ALPK1: variants seen among roughly 807,000 people sequenced by gnomAD.
ALPK1 encodes alpha kinase 1.
ALPK1 carries 110 observed loss-of-function variants against 120.6 expected under a neutral mutation model. The ratio of observed to expected loss-of-function variants is 0.91; its 90% CI spans 0.78 to 1.07. ALPK1 has a LOEUF of 1.07. Ranked by LOEUF, ALPK1 falls within the 50% of genes least tolerant of loss-of-function variation. The pLI is 0.00. For synonymous variants in ALPK1, 582 were observed against 560.3 expected (o/e 1.04, Z -0.55); for missense variants, 1,498 against 1,483.9 (o/e 1.01, Z -0.16).
intron 12 of ALPK1, among the ~76,000 whole-genome samples, chr4:112,437,851 T>G (rs1295508802): frequency 6.6e-6 from 1 of 152,182 alleles, no homozygotes; most frequent in Non-Finnish European, 1.5e-5. Context: ...TACTCACAAA[T>G]TCACACCAGT....
intron 4 of ALPK1, among the ~76,000 whole-genome samples, chr4:112,410,646 T>G (rs1164003113): frequency 6.6e-6 from 1 of 152,190 alleles, no homozygotes; most frequent in Non-Finnish European, 1.5e-5. Flanking sequence ...AAGATAATAG[T>G]ATTTGGGTGA....
At chr4:112,320,175 T>C (rs527276086) in intron 2 of ALPK1, among the ~76,000 whole-genome samples, 1 of 152,376 alleles carries the variant, frequency 6.6e-6, no homozygotes, top group South Asian at 2.1e-4. Context: ...ATGTTGACTA[T>C]AGGTTTGTCA....
rs201681617 is a variant in ALPK1, at chr4:112,423,936, C to A, written c.476-8C>A. ...CTAATTGTGTGGCATTTGGTTGCTG[C>A]TTTTCAGGAAAACTTTTAAAAGCAG... On this transcript the variant is annotated splice_region_variant and splice_polypyrimidine_tract_variant and intron_variant, in intron 5 of 15. Transcript: ENST00000650871. 97 of 1,613,758 alleles carry A rather than the reference C, an allele frequency of 6.0e-5. No individual in the cohort carries two copies. The highest frequency in any genetic ancestry group is 1.6e-4 in the Middle Eastern group (1 of 6,084).
intron 12 of ALPK1, among the ~76,000 whole-genome samples, chr4:112,436,155 G>A (rs1330492492): frequency 6.6e-6 from 1 of 152,178 alleles, no homozygotes; most frequent in Non-Finnish European, 1.5e-5. Context: ...GAAATCAAGT[G>A]TCTCTGTAAG....
intron 12 of ALPK1, among the ~76,000 whole-genome samples, chr4:112,436,211 T>C (rs1734782629): frequency 6.6e-6 from 1 of 152,236 alleles, no homozygotes; most frequent in South Asian, 2.1e-4. Flanking sequence ...ATTATTATTA[T>C]TTTAGTAAAC....
At chr4:112,434,340 A>ACT (rs1483877880) in intron 11 of ALPK1, among the ~76,000 whole-genome samples, 1 of 152,120 alleles carries the variant, frequency 6.6e-6, no homozygotes, top group African/African-American at 2.4e-5. Flanking sequence ...CATCCCGCCC[A>ACT]GCCCACAGGC....
At chr4:112,322,285 T>C (rs1387928973) in intron 2 of ALPK1, among the ~76,000 whole-genome samples, 4 of 152,226 alleles carry the variant, frequency 2.6e-5, no homozygotes, top group Non-Finnish European at 5.9e-5. Flanking sequence ...AGAGTATGAA[T>C]TAAAATTAAG....
chr4:112,431,224 A>G lies in ALPK1; in HGVS notation c.1677A>G (p.Pro559=), dbSNP rs200531269. 1.2e-6 allele frequency: 2 copies of G among 1,614,200 alleles called. No individual in the cohort carries two copies. Among genetic ancestry groups the G allele is most frequent in the African/African-American group, 1.3e-5 (1 of 75,066 alleles). The part of the protein sequence containing the change: ...LDQDVETETE[P]SDYSNGEGAV... ...AAGATGTGGAGACTGAGACTGAGCC[A>G]TCGGACTACAGCAATGGTGAGGGAG... The change falls in exon 11 of 16, where the codon CCA becomes CCG. Residue 559 remains proline (P), a synonymous_variant. Coordinates refer to ENST00000650871, the MANE Select transcript of ALPK1 (RefSeq NM_025144.4).
rs1735018473 is a variant in ALPK1, at chr4:112,441,022, T to C, written c.3644T>C (p.Phe1215Ser). Residue 1215 changes from phenylalanine (F) to serine (S), a missense_variant, in exon 15 of 16, where the codon TTT (phenylalanine) becomes TCT (serine). By Grantham distance (155) the Phe-to-Ser change is radical (BLOSUM62 -2). Transcript: ENST00000650871. ...FTTNFGKRGI[F>S]YFFNNQHVEC... ...ACCAATTTTGGAAAGAGAGGAATTT[T>C]TTACTTCTTTAATAACCAGCATGTG... 18 of 1,614,032 alleles carry C rather than the reference T, an allele frequency of 1.1e-5. No homozygotes were observed. Among genetic ancestry groups the C allele is most frequent in the Non-Finnish European group, 1.5e-5 (18 of 1,179,924 alleles).
intron 5 of ALPK1, among the ~76,000 whole-genome samples, chr4:112,423,261 A>G (rs1350540319): frequency 6.6e-6 from 1 of 152,182 alleles, no homozygotes; most frequent in Non-Finnish European, 1.5e-5. Flanking sequence ...GTAAATACAA[A>G]AACTCTGATG....
At chr4:112,435,003 T>A in intron 11 of ALPK1, 145 bp from the exon 12 acceptor site, 4 of 750,956 alleles carry the variant, frequency 5.3e-6, no homozygotes, top group Non-Finnish European at 6.5e-6. Flanking sequence ...GTAGTTGTCA[T>A]AGAAGAGATG....
At position 112,358,592 on chromosome 4, in the gene ALPK1, C is replaced by G. The variant is rs1730759618; in HGVS notation, c.-100-19086C>G. 7 of 720,432 alleles carry G rather than the reference C, an allele frequency of 9.7e-6. No individual in the cohort carries two copies. In the East Asian group the frequency reaches 1.9e-4, roughly 19 times the overall value. The allele number at this position is 720,432 out of a possible 1,614,324, so 44.6% of individuals were successfully genotyped here. A position where few individuals can be genotyped will look rare whatever the true frequency, so the allele number is the denominator to read the frequency against. On this transcript the variant is annotated intron_variant, in intron 2 of 15. Coordinates refer to ENST00000650871, the MANE Select transcript of ALPK1 (RefSeq NM_025144.4). ...TGCCTGGCAGAGGCCCTGGGGGCTG[C>G]TGGCCGCCCTGGAGCACAGCGAACA...
chr4:112,426,714 C>T (rs977292812), intron 8 of ALPK1, among the ~76,000 whole-genome samples, 171 bp downstream of exon 8: 3 of 152,208 alleles, frequency 2.0e-5, no homozygotes, highest in African/African-American at 4.8e-5. Context: ...TGTCTTGCTT[C>T]ATCCTCACTC....
chr4:112,360,443 C>A (rs1207191223), intron 2 of ALPK1, among the ~76,000 whole-genome samples: 2 of 151,968 alleles, frequency 1.3e-5, no homozygotes, highest in African/African-American at 4.8e-5. Flanking sequence ...ATATTAAGTA[C>A]AATGTTTTTT....
chr4:112,349,687 G>C (rs1285427635), intron 2 of ALPK1, among the ~76,000 whole-genome samples: 5 of 152,056 alleles, frequency 3.3e-5, no homozygotes, highest in Middle Eastern at 3.4e-3. Context: ...CCGAGTAGCT[G>C]GGACTACAGG....
chr4:112,432,658 A>G (rs772913902), intron 11 of ALPK1, 77 bp downstream of exon 11: 4 of 1,384,560 alleles, frequency 2.9e-6, no homozygotes, highest in Non-Finnish European at 3.9e-6. Flanking sequence ...TGGTATGTAG[A>G]TCACTTAAAG....
At chr4:112,434,893 T>G (rs1370946999) in intron 11 of ALPK1, among the ~76,000 whole-genome samples, 2 of 152,212 alleles carry the variant, frequency 1.3e-5, no homozygotes, top group Non-Finnish European at 1.5e-5. Flanking sequence ...TCTTAATCCC[T>G]TTTCATCACA....
In ALPK1 at chr4:112,435,270, C is replaced by T; in HGVS notation, c.3157C>T (p.His1053Tyr). The T allele has an allele frequency of 1.9e-6, 3 of 1,610,542 alleles. No individual in the cohort carries two copies. Among genetic ancestry groups the T allele is most frequent in the Non-Finnish European group, 2.5e-6 (3 of 1,179,112 alleles). Residue 1053 changes from histidine (H) to tyrosine (Y), a missense_variant, in exon 12 of 16, where the codon CAT becomes TAT. Physicochemically the swap from His to Tyr is moderately conservative, Grantham distance 83. Coordinates refer to ENST00000650871, the MANE Select transcript of ALPK1 (RefSeq NM_025144.4). ...CAGACAAAGAAATGCTTTTTGGGTT[C>T]ATCATCTTCATCAAGAAGAAATTCT... is the stretch of plus-strand genomic sequence containing the variant. Reference protein sequence around the residue: ...KGRQRNAFWVHHLHQEEILGR... With the variant: ...KGRQRNAFWVYHLHQEEILGR...
chr4:112,435,270 C>G lies in ALPK1; in HGVS notation c.3157C>G (p.His1053Asp). ...KGRQRNAFWV[H>D]HLHQEEILGR... is the part of the protein sequence containing the mutation. ...CAGACAAAGAAATGCTTTTTGGGTT[C>G]ATCATCTTCATCAAGAAGAAATTCT... is the stretch of plus-strand genomic sequence containing the variant. Residue 1053 changes from histidine to aspartate, a missense_variant, in exon 12 of 16, where the codon CAT becomes GAT. By Grantham distance (81) the His-to-Asp change is moderately conservative. Transcript: ENST00000650871. 6.2e-7 allele frequency: 1 copy of G among 1,610,542 alleles called. No homozygotes were observed. Among genetic ancestry groups the G allele is most frequent in the East Asian group, 2.2e-5 (1 of 44,838 alleles).
Sources: gnomAD v4.1 joint callset for allele counts (sites outside exome capture counted in the v4.1 genomes callset) on GRCh38, gnomAD v4.1.1 for gene constraint, MANE v1.5 for transcripts, NCBI Gene and HGNC (gene_info 2026-07-23, HGNC 2026-07-21) for gene names.